Variants in SLC24A2 observed in about 807,000 individuals in gnomAD.
SLC24A2 encodes the protein solute carrier family 24 member 2.
A neutral mutation model predicts 62.0 loss-of-function variants in SLC24A2; 36 were observed. The ratio of observed to expected loss-of-function variants is 0.58; its 90% CI spans 0.44 to 0.77. The LOEUF (loss-of-function observed/expected upper bound fraction) is 0.77, where lower values mean the gene tolerates loss of function less well. Among genes scored for constraint, SLC24A2 ranks in the 30% least tolerant of loss-of-function variants. The probability of loss-of-function intolerance (pLI) is 0.00; values close to 1 mark genes in which losing one functional copy is unlikely to be tolerated. For missense variants in SLC24A2, 846 were observed against 817.9 expected (o/e 1.03, Z -0.42); for synonymous variants, 358 against 294.0 (o/e 1.22, Z -2.23).
the SLC24A2 span, among the ~76,000 whole-genome samples, chr9:20,182,420 T>C: frequency 9.9e-5 from 15 of 152,154 alleles, no homozygotes; most frequent in African/African-American, 3.4e-4. Context: ...ATAAAGAAAA[T>C]GTGGCACATA....
At chr9:19,964,603 T>A in the SLC24A2 span, among the ~76,000 whole-genome samples, 3 of 152,198 alleles carry the variant, frequency 2.0e-5, no homozygotes, top group Non-Finnish European at 4.4e-5. Flanking sequence ...CTTTGCCATA[T>A]GTCCACTTGG....
In SLC24A2 at chr9:19,636,207, A is replaced by C. The variant is rs1405263984; in HGVS notation, c.931-13908T>G. Among the ~76,000 whole-genome samples the C allele has an allele frequency of 2.0e-5, 3 of 152,252 alleles. No homozygotes were observed. In the South Asian group the frequency reaches 6.2e-4, roughly 32 times the overall value. On this transcript the variant is annotated intron_variant, in intron 2 of 10. Coordinates refer to ENST00000341998, the MANE Select transcript of SLC24A2 (RefSeq NM_020344.4). ...TATTGGCTTATTGGTAGACAATACT[A>C]ACCACACAGACATTTATAAATACAA...
chr9:19,919,903 G>C, the SLC24A2 span, among the ~76,000 whole-genome samples: 6 of 152,066 alleles, frequency 3.9e-5, no homozygotes, highest in Admixed American at 3.9e-4. Context: ...CTGGGATTAT[G>C]GGAACTACAA....
At chr9:19,560,924 G>C (rs1189905267) in intron 7 of SLC24A2, among the ~76,000 whole-genome samples, 1 of 108,450 alleles carries the variant, frequency 9.2e-6, no homozygotes. Flanking sequence ...TATAGAGAGA[G>C]AGAGAGAGAG....
the SLC24A2 span, among the ~76,000 whole-genome samples, chr9:19,879,599 G>T: frequency 6.6e-6 from 1 of 151,996 alleles, no homozygotes; most frequent in Non-Finnish European, 1.5e-5. Flanking sequence ...AGTAGTATCA[G>T]AAAATATTCT....
intron 2 of SLC24A2, among the ~76,000 whole-genome samples, chr9:19,655,372 G>C (rs1818916162): frequency 6.6e-6 from 1 of 152,212 alleles, no homozygotes; most frequent in Non-Finnish European, 1.5e-5. Flanking sequence ...TAAAGACGTA[G>C]ACGTTGATAG....
At chr9:20,018,757 T>A in the SLC24A2 span, among the ~76,000 whole-genome samples, 4 of 152,016 alleles carry the variant, frequency 2.6e-5, no homozygotes, top group Non-Finnish European at 5.9e-5. Flanking sequence ...TTATTACTAT[T>A]TTATACATGA....
chr9:20,182,678 A>G, the SLC24A2 span, among the ~76,000 whole-genome samples: 1 of 152,246 alleles, frequency 6.6e-6, no homozygotes, highest in Admixed American at 6.5e-5. Flanking sequence ...AGAAATACCT[A>G]ATGCAAATGA....
chr9:20,180,180 TAACTC>T, the SLC24A2 span, among the ~76,000 whole-genome samples: 1 of 152,206 alleles, frequency 6.6e-6, no homozygotes, highest in Non-Finnish European at 1.5e-5. Context: ...AAAATTTACT[TAACTC>T]CTCTATGATT....
the SLC24A2 span, among the ~76,000 whole-genome samples, chr9:19,797,511 T>A: frequency 6.6e-6 from 1 of 152,142 alleles, no homozygotes; most frequent in Admixed American, 6.5e-5. Context: ...CAAGTAGAGG[T>A]CTTTACTGTA....
the SLC24A2 span, among the ~76,000 whole-genome samples, chr9:20,157,031 TAAGAC>T: frequency 1.3e-5 from 2 of 151,650 alleles, no homozygotes; most frequent in African/African-American, 4.8e-5. Context: ...GCCAAAGCAA[TAAGAC>T]AAGGCAAAAA....
the SLC24A2 span, among the ~76,000 whole-genome samples, chr9:19,921,134 G>A: frequency 6.6e-6 from 1 of 151,652 alleles, no homozygotes; most frequent in East Asian, 1.9e-4. Context: ...TGCACCTGTA[G>A]TAAATGGTTA....
the SLC24A2 span, among the ~76,000 whole-genome samples, chr9:19,970,100 G>C: frequency 6.6e-6 from 1 of 152,126 alleles, no homozygotes; most frequent in Non-Finnish European, 1.5e-5. Flanking sequence ...CTGCAGTCTG[G>C]ACAAGGCCCC....
chr9:19,926,574 T>TA, the SLC24A2 span: 4,028 of 127,788 alleles, frequency 0.032, 89 homozygotes, highest in African/African-American at 0.065. Context: ...TATGCAGGTA[T>TA]AAAAAAAAAA....
chr9:20,206,226 A>G, the SLC24A2 span, among the ~76,000 whole-genome samples: 9 of 152,214 alleles, frequency 5.9e-5, no homozygotes, highest in Non-Finnish European at 1.0e-4. Context: ...AAAAGTCTAT[A>G]TTAAAATAAT....
intron 2 of SLC24A2, among the ~76,000 whole-genome samples, chr9:19,778,971 G>A (rs1470305594): frequency 6.6e-6 from 1 of 152,170 alleles, no homozygotes; most frequent in Non-Finnish European, 1.5e-5. Context: ...ATTTGAAAAA[G>A]AGCCACATAA....
the SLC24A2 span, among the ~76,000 whole-genome samples, chr9:19,837,122 T>C: frequency 8.5e-5 from 13 of 152,084 alleles, no homozygotes; most frequent in African/African-American, 3.1e-4. Flanking sequence ...GCCAATATCA[T>C]ACTGAATGGA....
intron 2 of SLC24A2, among the ~76,000 whole-genome samples, chr9:19,740,033 G>T (rs1326332612): frequency 6.6e-6 from 1 of 152,162 alleles, no homozygotes; most frequent in Non-Finnish European, 1.5e-5. Context: ...AACTCAAAGT[G>T]ACAATGGGGT....
At chr9:20,001,724 T>G in the SLC24A2 span, among the ~76,000 whole-genome samples, 1 of 152,166 alleles carries the variant, frequency 6.6e-6, no homozygotes, top group Non-Finnish European at 1.5e-5. Flanking sequence ...GTTACATGGA[T>G]TTGGGCATTA....
Sources: allele counts gnomAD v4.1 joint callset (sites outside exome capture counted in the v4.1 genomes callset), GRCh38; gene constraint gnomAD v4.1.1; transcripts MANE v1.5; gene names NCBI Gene and HGNC (gene_info 2026-07-23, HGNC 2026-07-21).